CNTNAP4: variants seen among roughly 807,000 people sequenced by gnomAD.
The protein encoded by CNTNAP4 is contactin-associated protein-like 4.
Under a neutral mutation model 148.4 loss-of-function variants are expected in CNTNAP4, and 98 were observed. The ratio of observed to expected loss-of-function variants is 0.66; its 90% CI spans 0.56 to 0.78. The LOEUF is 0.78. Among genes scored for constraint, CNTNAP4 ranks in the 30% least tolerant of loss-of-function variants. The pLI is 0.00. For missense variants in CNTNAP4, 1,935 were observed against 1,565.6 expected, an observed-to-expected ratio of 1.24 and a Z score of -3.98; for synonymous variants, 730 against 565.1, an observed-to-expected ratio of 1.29 and a Z score of -4.14.
chr16:76,545,102 A>C (rs1404586965), intron 21 of CNTNAP4, among the ~76,000 whole-genome samples: 1 of 152,256 alleles, frequency 6.6e-6, no homozygotes, highest in African/African-American at 2.4e-5. Flanking sequence ...AGCATGTTTT[A>C]AAAGGAAAGT....
intron 1 of CNTNAP4, among the ~76,000 whole-genome samples, chr16:76,289,214 C>G (rs1010410079): frequency 4.6e-5 from 7 of 152,150 alleles, no homozygotes; most frequent in Non-Finnish European, 1.0e-4. Flanking sequence ...AATCCATCCT[C>G]ATGTCTTCCT....
At chr16:76,382,814 A>G (rs1336059018) in intron 3 of CNTNAP4, among the ~76,000 whole-genome samples, 1 of 152,182 alleles carries the variant, frequency 6.6e-6, no homozygotes, top group African/African-American at 2.4e-5. Flanking sequence ...ATCCAAACTG[A>G]GCCATCAAAT....
intron 2 of CNTNAP4, among the ~76,000 whole-genome samples, chr16:76,346,430 GATA>G (rs1964905256): frequency 2.4e-5 from 1 of 40,922 alleles, no homozygotes; most frequent in African/African-American, 7.4e-5. Flanking sequence ...GGCTAGGGAA[GATA>G]AAAAAAAAAA....
intron 12 of CNTNAP4, among the ~76,000 whole-genome samples, chr16:76,486,976 CTG>C (rs1315358089): frequency 2.0e-5 from 3 of 152,254 alleles, no homozygotes; most frequent in Non-Finnish European, 4.4e-5. Context: ...TCCTCTGTGT[CTG>C]TTAGTATAGA....
At chr16:76,371,530 C>T (rs1414038889) in intron 3 of CNTNAP4, among the ~76,000 whole-genome samples, 2 of 152,148 alleles carry the variant, frequency 1.3e-5, no homozygotes, top group African/African-American at 4.8e-5. Flanking sequence ...GGTGATCTGC[C>T]CACGTCAGCC....
At chr16:76,387,768 G>A (rs1597391210) in intron 3 of CNTNAP4, among the ~76,000 whole-genome samples, 1 of 152,050 alleles carries the variant, frequency 6.6e-6, no homozygotes, top group Admixed American at 6.6e-5. Flanking sequence ...TTTAAATAAG[G>A]GTGGTTATGT....
chr16:76,317,224 G>T (rs537558352), intron 2 of CNTNAP4, among the ~76,000 whole-genome samples: 4 of 133,922 alleles, frequency 3.0e-5, no homozygotes, highest in African/African-American at 1.1e-4. Flanking sequence ...CTGAACTAGA[G>T]CCTGGGCGAC....
chr16:76,311,545 A>G (rs1961112026), intron 1 of CNTNAP4, among the ~76,000 whole-genome samples: 1 of 152,208 alleles, frequency 6.6e-6, no homozygotes, highest in Non-Finnish European at 1.5e-5. Flanking sequence ...TACATTTTTT[A>G]ATGAAAAGAC....
chr16:76,553,872 C>T lies in CNTNAP4; in HGVS notation c.3698C>T (p.Ala1233Val), dbSNP rs766318470. The T allele has an allele frequency of 1.2e-6, 2 of 1,611,944 alleles. No homozygotes were observed. The highest frequency in any genetic ancestry group is 1.7e-6 in the Non-Finnish European group (2 of 1,178,274). Reference sequence around the variant, plus strand: ...ACAATAGATGACAGAGAGCCCCTTGCTAATGCAATCAAAAGTGACTCTGCA... The same window carrying T: ...ACAATAGATGACAGAGAGCCCCTTGTTAATGCAATCAAAAGTGACTCTGCA... ...SGTIDDREPL[A>V]NAIKSDSAVI... The change falls in exon 23 of 24, where the codon GCT becomes GTT. Residue 1233 changes from alanine to valine, a missense_variant. By Grantham distance (64) the Ala-to-Val change is moderately conservative. Transcript: ENST00000611870.
intron 21 of CNTNAP4, among the ~76,000 whole-genome samples, chr16:76,546,737 C>T (rs1568596724): frequency 6.6e-6 from 1 of 152,110 alleles, no homozygotes; most frequent in African/African-American, 2.4e-5. Flanking sequence ...TCCCTGGTGC[C>T]AAAAAGGTTG....
intron 2 of CNTNAP4, among the ~76,000 whole-genome samples, chr16:76,339,451 A>G (rs1391917837): frequency 1.3e-5 from 2 of 152,190 alleles, no homozygotes; most frequent in East Asian, 3.8e-4. Context: ...TTAAGATACT[A>G]GATGACATTA....
intron 4 of CNTNAP4, among the ~76,000 whole-genome samples, chr16:76,439,467 A>G (rs2079956814): frequency 6.6e-6 from 1 of 152,196 alleles, no homozygotes; most frequent in Non-Finnish European, 1.5e-5. Context: ...AAGGAAACTG[A>G]GAATCAACAT....
At chr16:76,335,721 A>C (rs1222719762) in intron 2 of CNTNAP4, among the ~76,000 whole-genome samples, 12 of 152,156 alleles carry the variant, frequency 7.9e-5, no homozygotes, top group Admixed American at 7.9e-4. Context: ...TGTTGCTGCC[A>C]TGTGGAGATT....
At chr16:76,479,897 A>G (rs1311763197) in intron 12 of CNTNAP4, among the ~76,000 whole-genome samples, 1 of 152,162 alleles carries the variant, frequency 6.6e-6, no homozygotes, top group Admixed American at 6.5e-5. Flanking sequence ...GTATTCTTAC[A>G]TAAATTTACA....
chr16:76,482,088 A>G (rs892153103), intron 12 of CNTNAP4, among the ~76,000 whole-genome samples: 1 of 151,988 alleles, frequency 6.6e-6, no homozygotes, highest in East Asian at 1.9e-4. Context: ...TTGGATTGCA[A>G]CTGCTCCTGG....
intron 3 of CNTNAP4, among the ~76,000 whole-genome samples, chr16:76,364,902 G>T (rs2013922921): frequency 6.6e-6 from 1 of 152,118 alleles, no homozygotes; most frequent in African/African-American, 2.4e-5. Context: ...GTCTATTTTG[G>T]TTTTTGTTGT....
intron 2 of CNTNAP4, among the ~76,000 whole-genome samples, chr16:76,330,804 CAGTA>C (rs1430896151): frequency 6.6e-6 from 1 of 152,032 alleles, no homozygotes; most frequent in East Asian, 1.9e-4. Context: ...AAGTGAAAAA[CAGTA>C]AGAAATAGAA....
At chr16:76,460,303 T>G (rs2080892048) in intron 8 of CNTNAP4, among the ~76,000 whole-genome samples, 1 of 151,450 alleles carries the variant, frequency 6.6e-6, no homozygotes, top group Admixed American at 6.6e-5. Context: ...GAGATAGGGT[T>G]TCTCCATGTT....
chr16:76,489,329 A>G (rs2082129905), intron 12 of CNTNAP4, among the ~76,000 whole-genome samples: 1 of 152,324 alleles, frequency 6.6e-6, no homozygotes, highest in Non-Finnish European at 1.5e-5. Flanking sequence ...GAGAAATAAA[A>G]TAATGATGCA....
Sources: gnomAD v4.1 joint callset for allele counts (sites outside exome capture counted in the v4.1 genomes callset) on GRCh38, gnomAD v4.1.1 for gene constraint, MANE v1.5 for transcripts, NCBI Gene and HGNC (gene_info 2026-07-23, HGNC 2026-07-21) for gene names.